Variants in IGSF21 observed in about 807,000 individuals in gnomAD.
IGSF21 encodes the protein immunoglobin superfamily member 21.
Under a neutral mutation model 46.8 loss-of-function variants are expected in IGSF21, and 28 were observed. That is an observed-to-expected ratio of 0.60 (90% CI 0.44 to 0.82). IGSF21 has a LOEUF of 0.82. Among genes scored for constraint, IGSF21 ranks in the 40% least tolerant of loss-of-function variants. The probability of loss-of-function intolerance (pLI) is 0.00; values close to 1 mark genes in which losing one functional copy is unlikely to be tolerated. For missense variants in IGSF21, 624 were observed against 665.5 expected (o/e 0.94, Z 0.69); for synonymous variants, 284 against 273.6 (o/e 1.04, Z -0.38).
intron 1 of IGSF21, among the ~76,000 whole-genome samples, chr1:18,198,491 C>T (rs770510080): frequency 3.9e-5 from 6 of 152,214 alleles, no homozygotes; most frequent in Admixed American, 6.5e-5. Context: ...TCATCTCCCC[C>T]GTTTTTATTT....
At chr1:18,351,719 A>T (rs188311988) in intron 4 of IGSF21, among the ~76,000 whole-genome samples, 54 of 152,158 alleles carry the variant, frequency 3.5e-4, no homozygotes, top group Non-Finnish European at 6.9e-4. Flanking sequence ...CCGTGTGTGT[A>T]ATACTCACCT....
chr1:18,182,217 C>A (rs984787826), intron 1 of IGSF21, among the ~76,000 whole-genome samples: 4 of 136,542 alleles, frequency 2.9e-5, no homozygotes, highest in Admixed American at 8.4e-5. Flanking sequence ...CACTCTGTTG[C>A]ACAGGCTGGA....
At chr1:18,264,205 C>T (rs2084971040) in intron 2 of IGSF21, among the ~76,000 whole-genome samples, 1 of 152,150 alleles carries the variant, frequency 6.6e-6, no homozygotes, top group Non-Finnish European at 1.5e-5. Flanking sequence ...GCCCTATTTC[C>T]CCCTCTCTCA....
intron 3 of IGSF21, among the ~76,000 whole-genome samples, chr1:18,301,238 A>G (rs1292555965): frequency 6.6e-6 from 1 of 152,192 alleles, no homozygotes; most frequent in Admixed American, 6.5e-5. Flanking sequence ...GTGGCACTCC[A>G]TGGGCCATTG....
At chr1:18,210,171 A>G (rs2084374895) in intron 1 of IGSF21, among the ~76,000 whole-genome samples, 1 of 152,136 alleles carries the variant, frequency 6.6e-6, no homozygotes, top group Non-Finnish European at 1.5e-5. Flanking sequence ...AAGTATTAAT[A>G]TGAAGACCGG....
chr1:18,239,847 T>G (rs916331541), intron 2 of IGSF21, among the ~76,000 whole-genome samples: 2 of 152,106 alleles, frequency 1.3e-5, no homozygotes, highest in African/African-American at 4.8e-5. Context: ...CTGAGTTAGC[T>G]TCTCATAACA....
At chr1:18,351,673 T>C (rs2085957146) in intron 4 of IGSF21, among the ~76,000 whole-genome samples, 1 of 152,182 alleles carries the variant, frequency 6.6e-6, no homozygotes, top group South Asian at 2.1e-4. Context: ...GAGGCTTCTC[T>C]CACAAAGCTG....
intron 2 of IGSF21, among the ~76,000 whole-genome samples, chr1:18,273,414 C>CCTTTCCTTTCCT: frequency 6.9e-6 from 1 of 144,958 alleles, no homozygotes. Flanking sequence ...CCTTTCCTTT[C>CCTTTCCTTTCCT]TTTTCCTTTC....
chr1:18,287,911 T>C (rs1033220763), intron 2 of IGSF21, among the ~76,000 whole-genome samples: 1 of 152,146 alleles, frequency 6.6e-6, no homozygotes, highest in African/African-American at 2.4e-5. Context: ...CAAGAGATGC[T>C]TTGCTCTCCA....
At chr1:18,272,613 C>G (rs966190388) in intron 2 of IGSF21, among the ~76,000 whole-genome samples, 3 of 152,196 alleles carry the variant, frequency 2.0e-5, no homozygotes, top group African/African-American at 7.2e-5. Context: ...CCGCGACAGC[C>G]CCTTCTTCCA....
chr1:18,131,520 T>A (rs539872783), intron 1 of IGSF21, among the ~76,000 whole-genome samples: 2 of 152,380 alleles, frequency 1.3e-5, no homozygotes, highest in South Asian at 4.1e-4. Flanking sequence ...TGATTTTATC[T>A]CTTTGTTCAC....
At chr1:18,149,756 G>A (rs950675727) in intron 1 of IGSF21, among the ~76,000 whole-genome samples, 2 of 151,926 alleles carry the variant, frequency 1.3e-5, no homozygotes, top group African/African-American at 2.4e-5. Flanking sequence ...ATAATTTTTC[G>A]GCTTTGTGAC....
intron 1 of IGSF21, among the ~76,000 whole-genome samples, chr1:18,222,953 A>C (rs1350860341): frequency 6.6e-6 from 1 of 152,138 alleles, no homozygotes; most frequent in Non-Finnish European, 1.5e-5. Flanking sequence ...TGGTGCTGTC[A>C]TAGCCTTGCC....
chr1:18,323,899 G>A (rs968191921), intron 3 of IGSF21, among the ~76,000 whole-genome samples: 15 of 152,292 alleles, frequency 9.8e-5, no homozygotes, highest in South Asian at 4.1e-4. Flanking sequence ...TGGAATTGGC[G>A]AAAACACATA....
intron 1 of IGSF21, among the ~76,000 whole-genome samples, chr1:18,173,002 C>T (rs1370133228): frequency 6.6e-6 from 1 of 152,202 alleles, no homozygotes; most frequent in Non-Finnish European, 1.5e-5. Flanking sequence ...AAAAAAACAG[C>T]TTTAGGCCAG....
chr1:18,212,454 C>T (rs558620753), intron 1 of IGSF21, among the ~76,000 whole-genome samples: 16 of 152,348 alleles, frequency 1.1e-4, no homozygotes, highest in Admixed American at 2.6e-4. Context: ...CTGCTGTTCT[C>T]ATCTTGGCAT....
intron 1 of IGSF21, among the ~76,000 whole-genome samples, chr1:18,147,018 C>G (rs1439586908): frequency 1.3e-5 from 2 of 152,176 alleles, no homozygotes; most frequent in Admixed American, 6.5e-5. Context: ...GTTCTGGAGG[C>G]TCTTCCCCCA....
At chr1:18,341,971 C>T (rs976678709) in intron 4 of IGSF21, among the ~76,000 whole-genome samples, 1 of 151,902 alleles carries the variant, frequency 6.6e-6, no homozygotes, top group Admixed American at 6.6e-5. Flanking sequence ...TGTTAATGAA[C>T]TTTACATGAC....
chr1:18,361,979 C>G, intron 4 of IGSF21, 136 bp from the exon 5 acceptor site: 1 of 624,382 alleles, frequency 1.6e-6, no homozygotes, highest in African/African-American at 1.8e-5. Context: ...CCAATGGCAC[C>G]CCCTGGAGTT....
Sources: allele counts gnomAD v4.1 joint callset (sites outside exome capture counted in the v4.1 genomes callset), GRCh38; gene constraint gnomAD v4.1.1; transcripts MANE v1.5; gene names NCBI Gene and HGNC (gene_info 2026-07-23, HGNC 2026-07-21).